ULK4: variants seen among roughly 807,000 people sequenced by gnomAD.
ULK4 encodes the protein unc-51 like kinase 4.
A neutral mutation model predicts 160.6 loss-of-function variants in ULK4; 133 were observed. That is an observed-to-expected ratio of 0.83 (90% CI 0.72 to 0.96). The LOEUF is 0.96. ULK4 is among the 40% of genes least tolerant of loss of function. The probability of loss-of-function intolerance (pLI) is 0.00; values close to 1 mark genes in which losing one functional copy is unlikely to be tolerated. For missense variants in ULK4, 1,580 were observed against 1,499.5 expected, an observed-to-expected ratio of 1.05 and a Z score of -0.89; for synonymous variants, 534 against 539.8, an observed-to-expected ratio of 0.99 and a Z score of 0.15.
At chr3:41,307,017 C>G (rs1202609370) in intron 35 of ULK4, among the ~76,000 whole-genome samples, 2 of 150,376 alleles carry the variant, frequency 1.3e-5, no homozygotes, top group African/African-American at 4.9e-5. Flanking sequence ...TGCGGAAGGC[C>G]GCAGGGTCCT....
At chr3:41,609,866 T>C (rs1430328247) in intron 31 of ULK4, among the ~76,000 whole-genome samples, 1 of 151,788 alleles carries the variant, frequency 6.6e-6, no homozygotes, top group Non-Finnish European at 1.5e-5. Flanking sequence ...CACAGCTACT[T>C]GGGAAGCTGA....
intron 25 of ULK4, among the ~76,000 whole-genome samples, chr3:41,708,381 T>C (rs962814697): frequency 1.3e-5 from 2 of 152,172 alleles, no homozygotes; most frequent in Admixed American, 6.5e-5. Context: ...TGTGGCAACA[T>C]GGATAAACCT....
At chr3:41,727,656 C>T (rs995178205) in intron 22 of ULK4, among the ~76,000 whole-genome samples, 10 of 152,102 alleles carry the variant, frequency 6.6e-5, no homozygotes, top group African/African-American at 2.4e-4. Context: ...AGGCTCCAAA[C>T]CATGTAAGGG....
chr3:41,832,666 G>A (rs942908988), intron 18 of ULK4, among the ~76,000 whole-genome samples: 2 of 152,166 alleles, frequency 1.3e-5, no homozygotes, highest in Admixed American at 1.3e-4. Flanking sequence ...GGTTTTTATG[G>A]TTTTGGGCTT....
chr3:41,882,386 T>A, intron 17 of ULK4: 1 of 658,898 alleles, frequency 1.5e-6, no homozygotes, highest in Non-Finnish European at 2.7e-6. Context: ...GTGGTCGTAG[T>A]ATTCTTTTCT....
chr3:41,555,319 C>T (rs377373240), intron 32 of ULK4, among the ~76,000 whole-genome samples: 2 of 140,410 alleles, frequency 1.4e-5, no homozygotes, highest in African/African-American at 5.3e-5. Context: ...AACAAATGTA[C>T]AAAAAAAAAA....
At chr3:41,869,566 T>C (rs1697017001) in intron 17 of ULK4, among the ~76,000 whole-genome samples, 2 of 152,190 alleles carry the variant, frequency 1.3e-5, no homozygotes, top group South Asian at 4.1e-4. Context: ...GGTGACCGGG[T>C]GAGACTCTGT....
chr3:41,415,550 A>C (rs547618133), intron 34 of ULK4, among the ~76,000 whole-genome samples: 1 of 152,248 alleles, frequency 6.6e-6, no homozygotes, highest in East Asian at 1.9e-4. Flanking sequence ...TTGCATCTGC[A>C]ATCTCCTCTG....
intron 18 of ULK4, among the ~76,000 whole-genome samples, chr3:41,830,898 T>C (rs2125646505): frequency 6.6e-6 from 1 of 152,024 alleles, no homozygotes; most frequent in Non-Finnish European, 1.5e-5. Flanking sequence ...TCCAAAATAG[T>C]GGTAAAGTAG....
chr3:41,932,695 G>A (rs181522281), intron 4 of ULK4, among the ~76,000 whole-genome samples: 15 of 152,210 alleles, frequency 9.9e-5, no homozygotes, highest in East Asian at 9.7e-4. Flanking sequence ...ATTATTTCCC[G>A]TATTAAAAGT....
intron 29 of ULK4, among the ~76,000 whole-genome samples, chr3:41,680,437 A>G (rs1057308601): frequency 1.3e-5 from 2 of 152,190 alleles, no homozygotes; most frequent in Non-Finnish European, 1.5e-5. Flanking sequence ...TCCCCCAGAG[A>G]GCCAAAGGGT....
chr3:41,569,172 G>A (rs547203892), intron 31 of ULK4, among the ~76,000 whole-genome samples: 2 of 152,220 alleles, frequency 1.3e-5, no homozygotes, highest in South Asian at 2.1e-4. Flanking sequence ...TTCTGTTATA[G>A]GTCCTTTGGG....
intron 16 of ULK4, among the ~76,000 whole-genome samples, chr3:41,890,260 G>A (rs544175009): frequency 1.3e-5 from 2 of 152,218 alleles, no homozygotes; most frequent in Non-Finnish European, 2.9e-5. Flanking sequence ...GAGAAAGTGA[G>A]AAAGCAAAAG....
chr3:41,354,423 GC>G (rs1199359344), intron 35 of ULK4, among the ~76,000 whole-genome samples: 1 of 152,120 alleles, frequency 6.6e-6, no homozygotes, highest in Admixed American at 6.5e-5. Flanking sequence ...TATAAATCAA[GC>G]CTCTCTGGCT....
intron 17 of ULK4, among the ~76,000 whole-genome samples, chr3:41,847,519 T>C (rs2042098242): frequency 6.6e-6 from 1 of 152,216 alleles, no homozygotes; most frequent in Non-Finnish European, 1.5e-5. Context: ...ACAGTAGTAA[T>C]TACAACAACA....
intron 18 of ULK4, among the ~76,000 whole-genome samples, chr3:41,828,069 T>C (rs942299239): frequency 1.3e-5 from 2 of 151,340 alleles, no homozygotes; most frequent in Non-Finnish European, 1.5e-5. Context: ...TCTCAATAGA[T>C]GCAGAAAAGG....
chr3:41,955,349 A>C (rs529523616), intron 1 of ULK4: 3 of 152,788 alleles, frequency 2.0e-5, no homozygotes, highest in African/African-American at 7.2e-5. Flanking sequence ...ATGTTTTAAA[A>C]ACACAGTGGC....
intron 17 of ULK4, 83 bp downstream of exon 17, chr3:41,883,791 G>A (rs544206489): frequency 2.0e-5 from 23 of 1,162,924 alleles, no homozygotes; most frequent in Middle Eastern, 2.1e-4. Context: ...AGTGAAGGTC[G>A]GTGAAAGCTG....
intron 25 of ULK4, among the ~76,000 whole-genome samples, chr3:41,707,147 T>C (rs2036931074): frequency 6.6e-6 from 1 of 152,158 alleles, no homozygotes. Context: ...CTAAATAGTA[T>C]ATTGTTTGTG....
Sources: gnomAD v4.1 joint callset for allele counts (sites outside exome capture counted in the v4.1 genomes callset) on GRCh38, gnomAD v4.1.1 for gene constraint, MANE v1.5 for transcripts, NCBI Gene and HGNC (gene_info 2026-07-23, HGNC 2026-07-21) for gene names.